CHLSN: variants seen among roughly 807,000 people sequenced by gnomAD.
The protein encoded by CHLSN is cholesin, also known as protein cholesin.
chr7:1,049,200 A>C, the CHLSN span, among the ~76,000 whole-genome samples: 2 of 152,150 alleles, frequency 1.3e-5, no homozygotes, highest in Non-Finnish European at 2.9e-5. Context: ...ACCCTGCCCC[A>C]CGTTTCCCCT....
the CHLSN span, chr7:1,055,129 G>A: frequency 5.0e-6 from 2 of 400,564 alleles, no homozygotes; most frequent in Non-Finnish European, 1.0e-5. Context: ...CTATCAGAAA[G>A]GTGGGACAAG....
At chr7:993,586 G>C in the CHLSN span, among the ~76,000 whole-genome samples, 4 of 152,122 alleles carry the variant, frequency 2.6e-5, no homozygotes, top group African/African-American at 9.7e-5. Context: ...ACCAGCCTGG[G>C]CAACACAGTG....
chr7:1,090,669 G>A, the CHLSN span, among the ~76,000 whole-genome samples: 9 of 152,382 alleles, frequency 5.9e-5, no homozygotes, highest in African/African-American at 9.6e-5. Flanking sequence ...GGGCACCGCC[G>A]TGGGCGGACA....
the CHLSN span, among the ~76,000 whole-genome samples, chr7:1,113,137 ACT>A: frequency 2.7e-4 from 41 of 151,762 alleles, no homozygotes; most frequent in Middle Eastern, 3.5e-3. Context: ...ACAACCGTGG[ACT>A]CTGGACGAGC....
the CHLSN span, among the ~76,000 whole-genome samples, chr7:1,116,798 T>G: frequency 5.2e-5 from 3 of 57,504 alleles, no homozygotes; most frequent in Non-Finnish European, 5.7e-5. Flanking sequence ...GATGATGACA[T>G]CACTACAGAT....
chr7:1,010,148 A>G, the CHLSN span: 56 of 1,607,096 alleles, frequency 3.5e-5, no homozygotes, highest in Non-Finnish European at 3.6e-5. Flanking sequence ...TTCGCCCTGA[A>G]AGTCAAGGAA....
the CHLSN span, among the ~76,000 whole-genome samples, chr7:982,761 T>C: frequency 6.6e-6 from 1 of 152,174 alleles, no homozygotes; most frequent in South Asian, 2.1e-4. Flanking sequence ...GGGAGAGGCC[T>C]GCAAACCCTG....
At chr7:985,230 C>A in the CHLSN span, 1 of 1,553,252 alleles carries the variant, frequency 6.4e-7, no homozygotes, top group Non-Finnish European at 8.7e-7. Context: ...CGCTCCTCTT[C>A]GGCCGCCGAT....
the CHLSN span, among the ~76,000 whole-genome samples, chr7:1,035,290 T>A: frequency 1.3e-5 from 2 of 152,214 alleles, no homozygotes; most frequent in African/African-American, 4.8e-5. Flanking sequence ...GCTGGTGTCA[T>A]GTCTTTGTGA....
the CHLSN span, chr7:1,010,264 AC>A: frequency 1.1e-6 from 1 of 896,876 alleles, no homozygotes; most frequent in Non-Finnish European, 1.6e-6. Context: ...GTCCCCAAGC[AC>A]TGGGTCTGGC....
At chr7:1,135,794 C>T in the CHLSN span, among the ~76,000 whole-genome samples, 5,574 of 79,260 alleles carry the variant, frequency 0.07, 293 homozygotes, top group African/African-American at 0.25. Flanking sequence ...TATATATATA[C>T]ACAATTTATT....
the CHLSN span, chr7:1,000,604 A>T: frequency 8.2e-6 from 12 of 1,462,064 alleles, no homozygotes; most frequent in Non-Finnish European, 1.1e-5. Context: ...ACTCCCGGGC[A>T]GCTGTCTGCC....
At chr7:989,122 TAGCTCCCCCC>T in the CHLSN span, 1 of 365,648 alleles carries the variant, frequency 2.7e-6, no homozygotes, top group Non-Finnish European at 4.9e-6. Context: ...CCCACCCACC[TAGCTCCCCCC>T]AGGGCCCCCC....
chr7:1,077,450 T>C, the CHLSN span, among the ~76,000 whole-genome samples: 1 of 152,206 alleles, frequency 6.6e-6, no homozygotes, highest in African/African-American at 2.4e-5. Flanking sequence ...CCACTGCACC[T>C]GGCCTCAGGT....
chr7:997,939 C>A, the CHLSN span: 1 of 747,568 alleles, frequency 1.3e-6, no homozygotes, highest in East Asian at 3.0e-5. Flanking sequence ...AGGGTGTGGG[C>A]GGCCTGGCCA....
At chr7:999,008 A>C in the CHLSN span, among the ~76,000 whole-genome samples, 1 of 152,228 alleles carries the variant, frequency 6.6e-6, no homozygotes, top group African/African-American at 2.4e-5. Context: ...ATATGAAATA[A>C]AAATGTATAA....
At chr7:983,875 G>A in the CHLSN span, among the ~76,000 whole-genome samples, 3 of 152,230 alleles carry the variant, frequency 2.0e-5, no homozygotes, top group Non-Finnish European at 2.9e-5. Flanking sequence ...ACGGGGACAC[G>A]GCACGGGGCA....
chr7:1,011,206 ACACGG>A, the CHLSN span, among the ~76,000 whole-genome samples: 1 of 88,196 alleles, frequency 1.1e-5, no homozygotes, highest in Non-Finnish European at 2.4e-5. Flanking sequence ...ACACCCACAG[ACACGG>A]ACACATACCC....
At chr7:1,019,029 T>C in the CHLSN span, among the ~76,000 whole-genome samples, 1 of 151,950 alleles carries the variant, frequency 6.6e-6, no homozygotes, top group Non-Finnish European at 1.5e-5. Flanking sequence ...ACCCCGTCTC[T>C]ACTAAAAATA....
Sources: allele counts gnomAD v4.1 joint callset (sites outside exome capture counted in the v4.1 genomes callset), GRCh38; gene constraint gnomAD v4.1.1; transcripts MANE v1.5; gene names NCBI Gene and HGNC (gene_info 2026-07-23, HGNC 2026-07-21).